ZNRF3: variants seen among roughly 807,000 people sequenced by gnomAD.
The protein encoded by ZNRF3 is zinc and ring finger 3, also known as E3 ubiquitin-protein ligase ZNRF3.
ZNRF3 carries 23 observed loss-of-function variants against 72.5 expected under a neutral mutation model. The ratio of observed to expected loss-of-function variants is 0.32; its 90% CI spans 0.23 to 0.45. The LOEUF is 0.45. Among genes scored for constraint, ZNRF3 ranks in the 20% least tolerant of loss-of-function variants. ZNRF3 has a pLI of 1.00. For synonymous variants in ZNRF3, 610 were observed against 545.3 expected (o/e 1.12, Z -1.65); for missense variants, 1,169 against 1,272.1 (o/e 0.92, Z 1.23).
intron 2 of ZNRF3, chr22:29,017,981 A>G (rs757225911): frequency 3.9e-6 from 2 of 518,912 alleles, no homozygotes; most frequent in South Asian, 1.4e-5. Context: ...TGAATAACCT[A>G]TGCAACAGCT....
chr22:28,887,480 G>C (rs1365918874), intron 1 of ZNRF3, among the ~76,000 whole-genome samples: 2 of 152,024 alleles, frequency 1.3e-5, no homozygotes, highest in Non-Finnish European at 2.9e-5. Context: ...CAGGAATCTT[G>C]GTTCTTCTCC....
At chr22:29,044,935 G>T in intron 5 of ZNRF3, 45 bp downstream of exon 5, 1 of 1,374,252 alleles carries the variant, frequency 7.3e-7, no homozygotes, top group Non-Finnish European at 1.0e-6. Flanking sequence ...CCCTCTTGCC[G>T]TGACACTGGG....
At chr22:28,900,842 T>G (rs1368837643) in intron 1 of ZNRF3, among the ~76,000 whole-genome samples, 2 of 152,166 alleles carry the variant, frequency 1.3e-5, no homozygotes. Flanking sequence ...GTGCGGTGGC[T>G]TACACCTATA....
intron 1 of ZNRF3, among the ~76,000 whole-genome samples, chr22:28,926,218 C>A (rs189579824): frequency 6.6e-6 from 1 of 152,356 alleles, no homozygotes; most frequent in East Asian, 1.9e-4. Context: ...TGTTCAGAGA[C>A]TGCAGTTTTT....
intron 1 of ZNRF3, among the ~76,000 whole-genome samples, chr22:28,943,393 ATTATAGATGAGAGAT>A (rs1310393566): frequency 3.3e-5 from 5 of 152,130 alleles, no homozygotes; most frequent in African/African-American, 1.2e-4. Context: ...CTCATGTTGG[ATTATAGATGAGAGAT>A]TTACCAGGCT....
chr22:28,969,704 T>C (rs1291216611), intron 1 of ZNRF3, among the ~76,000 whole-genome samples: 1 of 152,010 alleles, frequency 6.6e-6, no homozygotes, highest in East Asian at 1.9e-4. Flanking sequence ...TTGCACAGAG[T>C]AGTAACATGG....
intron 2 of ZNRF3, among the ~76,000 whole-genome samples, chr22:28,989,193 G>A (rs2035909495): frequency 6.6e-6 from 1 of 152,186 alleles, no homozygotes; most frequent in Admixed American, 6.5e-5. Flanking sequence ...AGAGGCTGGT[G>A]GCGGGCAGCA....
At chr22:28,965,680 C>CTAGA (rs2035446577) in intron 1 of ZNRF3, among the ~76,000 whole-genome samples, 1 of 152,172 alleles carries the variant, frequency 6.6e-6, no homozygotes, top group African/African-American at 2.4e-5. Flanking sequence ...TGGCAGGGAT[C>CTAGA]TAGATAGAGA....
Position 29,029,789 on chromosome 22 carries a change from C to T in ZNRF3, c.427-12706C>T, listed in dbSNP as rs137970667. Among the ~76,000 whole-genome samples, 9 of 152,302 alleles carry T rather than the reference C, an allele frequency of 5.9e-5. No homozygotes were observed. In the East Asian group the frequency reaches 1.7e-3, roughly 29 times the overall value. ...CTGCCCCTGTGAGGAACTCAGCCTT[C>T]AGAGAGAGCCTGCCCGCCGCCTCTC... On this transcript the variant is annotated intron_variant, in intron 2 of 8. Transcript: ENST00000544604.
At chr22:29,029,214 A>G (rs546934037) in intron 2 of ZNRF3, among the ~76,000 whole-genome samples, 13 of 152,228 alleles carry the variant, frequency 8.5e-5, no homozygotes, top group Non-Finnish European at 1.5e-4. Context: ...TCAAGTTCTT[A>G]TGAAGGTACA....
intron 2 of ZNRF3, among the ~76,000 whole-genome samples, chr22:29,021,558 G>A (rs958380452): frequency 1.9e-4 from 29 of 151,560 alleles, no homozygotes; most frequent in African/African-American, 4.9e-5. Flanking sequence ...CGAGATCTCG[G>A]CTCACTGCAA....
intron 1 of ZNRF3, among the ~76,000 whole-genome samples, chr22:28,946,575 C>T (rs770692128): frequency 8.5e-5 from 13 of 152,150 alleles, no homozygotes; most frequent in African/African-American, 2.4e-4. Context: ...TAAATACGGA[C>T]GAATGGCAAG....
intron 1 of ZNRF3, among the ~76,000 whole-genome samples, chr22:28,948,102 C>T (rs751677375): frequency 2.0e-5 from 3 of 152,106 alleles, no homozygotes; most frequent in Non-Finnish European, 4.4e-5. Context: ...CTTGGCCTCC[C>T]AAAGTGCTGG....
At chr22:28,993,750 AT>A (rs1334952652) in intron 2 of ZNRF3, among the ~76,000 whole-genome samples, 1 of 151,660 alleles carries the variant, frequency 6.6e-6, no homozygotes, top group East Asian at 2.0e-4. Context: ...TGGCACAATC[AT>A]GGCTCACTTC....
At position 29,050,566 on chromosome 22, in the gene ZNRF3, C is replaced by T. The variant is rs528166766; in HGVS notation, c.2385C>T (p.Ser795=). 1.2e-5 allele frequency: 20 copies of T among 1,608,406 alleles called. No homozygotes were observed. Among genetic ancestry groups the T allele is most frequent in the Admixed American group, 3.4e-5 (2 of 59,468 alleles). Reference sequence around the variant, plus strand: ...TGGCCCGCGGGGGCGGAGGGGGCAGCGGCTGCTACACTGAGGACTACTCGG... The same window carrying T: ...TGGCCCGCGGGGGCGGAGGGGGCAGTGGCTGCTACACTGAGGACTACTCGG... ...KQVARGGGGG[S]GCYTEDYSVS... The change falls in exon 8 of 9, where the codon AGC becomes AGT. Residue 795 remains serine (S), a synonymous_variant. Coordinates refer to ENST00000544604, the MANE Select transcript of ZNRF3 (RefSeq NM_001206998.2).
chr22:28,906,715 G>A (rs536621369), intron 1 of ZNRF3, among the ~76,000 whole-genome samples: 4 of 152,200 alleles, frequency 2.6e-5, no homozygotes, highest in Admixed American at 2.6e-4. Flanking sequence ...ATTAGAAGAC[G>A]ACTTGGCAGC....
At chr22:29,003,392 C>T (rs911020813) in intron 2 of ZNRF3, among the ~76,000 whole-genome samples, 2 of 151,702 alleles carry the variant, frequency 1.3e-5, no homozygotes, top group Non-Finnish European at 2.9e-5. Flanking sequence ...TGGTGGCGGG[C>T]GCCTGTAGTC....
chr22:29,010,911 C>T (rs939972207), intron 2 of ZNRF3, among the ~76,000 whole-genome samples: 2 of 152,160 alleles, frequency 1.3e-5, no homozygotes, highest in African/African-American at 4.8e-5. Flanking sequence ...TCAAGTGATC[C>T]ACCCGCCTCA....
At chr22:29,041,472 C>T (rs192331408) in intron 2 of ZNRF3, among the ~76,000 whole-genome samples, 72 of 152,272 alleles carry the variant, frequency 4.7e-4, no homozygotes, top group African/African-American at 1.7e-3. Flanking sequence ...GAAAGGAATC[C>T]TTCCCCCACC....
Sources: allele counts gnomAD v4.1 joint callset (sites outside exome capture counted in the v4.1 genomes callset), GRCh38; gene constraint gnomAD v4.1.1; transcripts MANE v1.5; gene names NCBI Gene and HGNC (gene_info 2026-07-23, HGNC 2026-07-21).